Variants in SORCS3 observed in about 807,000 individuals in gnomAD.
SORCS3 encodes the protein sortilin related VPS10 domain containing receptor 3.
In SORCS3, 57 loss-of-function variants were observed where a neutral mutation model predicts 146.3. The observed-to-expected ratio is 0.39, with a 90% CI of 0.31 to 0.49. SORCS3 has a LOEUF of 0.49. SORCS3 is among the 20% of genes least tolerant of loss of function. The pLI is 0.92. For missense variants in SORCS3, 1,341 were observed against 1,575.5 expected (o/e 0.85, Z 2.52); for synonymous variants, 653 against 618.5 (o/e 1.06, Z -0.83).
chr10:104,699,364 C>A (rs1008210609), intron 1 of SORCS3, among the ~76,000 whole-genome samples: 2 of 151,860 alleles, frequency 1.3e-5, no homozygotes, highest in Non-Finnish European at 2.9e-5. Flanking sequence ...TAAAACTGAC[C>A]CTAAATATGA....
At chr10:104,724,286 G>A (rs1166278881) in intron 1 of SORCS3, among the ~76,000 whole-genome samples, 1 of 152,108 alleles carries the variant, frequency 6.6e-6, no homozygotes, top group Non-Finnish European at 1.5e-5. Flanking sequence ...TTTTCTTTAA[G>A]AATGTTGAAT....
intron 20 of SORCS3, among the ~76,000 whole-genome samples, chr10:105,238,533 A>G (rs1376573470): frequency 6.6e-6 from 1 of 152,106 alleles, no homozygotes; most frequent in Admixed American, 6.6e-5. Context: ...GGCTTTGGGG[A>G]TGATAGACTA....
intron 1 of SORCS3, among the ~76,000 whole-genome samples, chr10:104,689,789 T>C (rs2016091684): frequency 6.6e-6 from 1 of 152,174 alleles, no homozygotes; most frequent in African/African-American, 2.4e-5. Context: ...GGCTGGACAG[T>C]GAGGCATGGA....
chr10:105,031,332 A>ACACACACAC (rs2055265871), intron 4 of SORCS3, among the ~76,000 whole-genome samples: 2 of 113,466 alleles, frequency 1.8e-5, no homozygotes, highest in African/African-American at 6.0e-5. Context: ...CACACACACA[A>ACACACACAC]ACACACACAC....
At chr10:105,069,925 T>TC (rs1255807133) in intron 5 of SORCS3, among the ~76,000 whole-genome samples, 2 of 151,998 alleles carry the variant, frequency 1.3e-5, no homozygotes, top group Admixed American at 6.6e-5. Flanking sequence ...TCCCAACCTA[T>TC]CCCCCAGTCT....
intron 9 of SORCS3, among the ~76,000 whole-genome samples, chr10:105,149,741 G>C (rs1475852908): frequency 2.0e-5 from 3 of 152,052 alleles, no homozygotes; most frequent in African/African-American, 7.2e-5. Context: ...TGATCCTCTT[G>C]GTACAGTGGG....
intron 1 of SORCS3, among the ~76,000 whole-genome samples, chr10:104,643,383 T>G (rs1019107934): frequency 1.5e-4 from 23 of 152,018 alleles, no homozygotes; most frequent in African/African-American, 5.1e-4. Flanking sequence ...AAGTGCAGAT[T>G]TCTTGGTTTC....
intron 13 of SORCS3, among the ~76,000 whole-genome samples, chr10:105,173,603 A>G (rs527494627): frequency 6.6e-6 from 1 of 152,148 alleles, no homozygotes; most frequent in East Asian, 1.9e-4. Context: ...CCTTGAATCC[A>G]CTTTGGGTGT....
chr10:105,189,480 C>A (rs999602507), intron 14 of SORCS3, among the ~76,000 whole-genome samples: 1 of 152,136 alleles, frequency 6.6e-6, no homozygotes, highest in Non-Finnish European at 1.5e-5. Context: ...TGCAGAGCAC[C>A]CTTTAGGCGC....
rs1305740600 is a variant in SORCS3 at position 104,720,372 on chromosome 10, A to T, written c.627+78418A>T. ...GTGCCACATTTTCTTAATCCAGTCTATCATTGTTGGACATTTGGGTTGGTT... is the reference window on the plus strand; with the variant it reads ...GTGCCACATTTTCTTAATCCAGTCTTTCATTGTTGGACATTTGGGTTGGTT... On this transcript the variant is annotated intron_variant, in intron 1 of 26. Transcript: ENST00000369701. Among the ~76,000 whole-genome samples, 3 of 152,250 alleles carry T rather than the reference A, an allele frequency of 2.0e-5. No individual in the cohort carries two copies. In the Middle Eastern group the frequency reaches 0.01, roughly 518 times the overall value.
rs530229266 is a variant in SORCS3, at chr10:105,045,629, T to C, written c.1028+2501T>C. Among the ~76,000 whole-genome samples the C allele has an allele frequency of 3.3e-5, 5 of 152,286 alleles. No individual in the cohort carries two copies. In the South Asian group the frequency reaches 1.0e-3, roughly 32 times the overall value. ...ATAGGTTAGGGATGTAAATATTAAC[T>C]TGTTATCTCCTTGAGAAAAGACAAA... is the stretch of plus-strand genomic sequence containing the variant. On this transcript the variant is annotated intron_variant, in intron 5 of 26. Coordinates refer to ENST00000369701, the MANE Select transcript of SORCS3 (RefSeq NM_014978.3).
chr10:105,209,167 G>A (rs1383886132), intron 16 of SORCS3, among the ~76,000 whole-genome samples: 1 of 151,948 alleles, frequency 6.6e-6, no homozygotes, highest in Non-Finnish European at 1.5e-5. Flanking sequence ...TTGAGACGGA[G>A]TTTCGCTCTT....
intron 3 of SORCS3, among the ~76,000 whole-genome samples, chr10:104,945,683 A>G (rs1466281474): frequency 6.6e-6 from 1 of 151,998 alleles, no homozygotes; most frequent in African/African-American, 2.4e-5. Context: ...ACTTTAATGC[A>G]AGGTTTACTT....
chr10:104,903,220 A>T (rs2018870715), intron 2 of SORCS3, among the ~76,000 whole-genome samples: 1 of 152,176 alleles, frequency 6.6e-6, no homozygotes, highest in South Asian at 2.1e-4. Flanking sequence ...GAACTGCTTT[A>T]AGAGAAAGTG....
At chr10:105,242,733 T>C (rs868529993) in intron 20 of SORCS3, among the ~76,000 whole-genome samples, 56 of 97,926 alleles carry the variant, frequency 5.7e-4, no homozygotes, top group African/African-American at 1.5e-3. Flanking sequence ...CATTTATATA[T>C]ATTTATATAT....
chr10:104,941,485 T>C (rs571713406), intron 3 of SORCS3, among the ~76,000 whole-genome samples: 1 of 152,268 alleles, frequency 6.6e-6, no homozygotes, highest in South Asian at 2.1e-4. Flanking sequence ...TCTGAAGGTG[T>C]TTTTACTGTC....
chr10:105,105,556 G>A lies in SORCS3; in HGVS notation c.1212+41G>A, dbSNP rs115567459. The A allele has an allele frequency of 1.9e-3, 2,608 of 1,404,304 alleles. 30 individuals carry two copies. In the African/African-American group the frequency reaches 0.032, roughly 17 times the overall value. 87.0% of individuals were successfully genotyped at this position (1,404,304 alleles called of 1,614,324 possible). On this transcript the variant is annotated intron_variant, in intron 7 of 26. Coordinates refer to ENST00000369701, the MANE Select transcript of SORCS3 (RefSeq NM_014978.3). ...GCAGTTGGTGGTAGGAGGATGCATCGTTGAAGTTGGCTGCCTGCTAGGAAA... is the reference window on the plus strand; with the variant it reads ...GCAGTTGGTGGTAGGAGGATGCATCATTGAAGTTGGCTGCCTGCTAGGAAA...
chr10:105,224,934 G>C (rs570050007), intron 20 of SORCS3, among the ~76,000 whole-genome samples: 2 of 152,034 alleles, frequency 1.3e-5, no homozygotes, highest in South Asian at 4.1e-4. Flanking sequence ...AAATCAGATT[G>C]TTCCATTACT....
At chr10:104,885,468 T>G (rs769511635) in intron 2 of SORCS3, among the ~76,000 whole-genome samples, 5 of 152,182 alleles carry the variant, frequency 3.3e-5, no homozygotes, top group Non-Finnish European at 5.9e-5. Context: ...AATACGGTAT[T>G]AAGTACTCAG....
Sources: allele counts gnomAD v4.1 joint callset (sites outside exome capture counted in the v4.1 genomes callset), GRCh38; gene constraint gnomAD v4.1.1; transcripts MANE v1.5; gene names NCBI Gene and HGNC (gene_info 2026-07-23, HGNC 2026-07-21).